Variants in TBC1D32 observed in about 807,000 individuals in gnomAD.
The protein encoded by TBC1D32 is protein broad-minded.
Under a neutral mutation model 170.3 loss-of-function variants are expected in TBC1D32, and 151 were observed. The observed-to-expected ratio is 0.89, with a 90% CI of 0.78 to 1.01. TBC1D32 has a LOEUF of 1.01. Among genes scored for constraint, TBC1D32 ranks in the 50% least tolerant of loss-of-function variants. The probability of loss-of-function intolerance (pLI) is 0.00; values close to 1 mark genes in which losing one functional copy is unlikely to be tolerated. For synonymous variants in TBC1D32, 498 were observed against 488.0 expected (o/e 1.02, Z -0.27); for missense variants, 1,464 against 1,457.1 (o/e 1.00, Z -0.08).
intron 15 of TBC1D32, among the ~76,000 whole-genome samples, chr6:121,277,555 A>C (rs1191355499): frequency 6.6e-6 from 1 of 150,974 alleles, no homozygotes; most frequent in African/African-American, 2.4e-5. Context: ...AAATATTTTG[A>C]ACTAAATGAA....
chr6:121,310,875 T>C (rs1320817356), intron 3 of TBC1D32, 28 bp from the exon 4 acceptor site: 1 of 1,267,880 alleles, frequency 7.9e-7, no homozygotes, highest in African/African-American at 1.5e-5. Flanking sequence ...GGACATTCAT[T>C]TATTTAGAAG....
At chr6:121,306,345 C>T (rs1227042689) in intron 5 of TBC1D32, among the ~76,000 whole-genome samples, 1 of 152,070 alleles carries the variant, frequency 6.6e-6, no homozygotes, top group East Asian at 1.9e-4. Context: ...TATTGCGATA[C>T]CTTAAATTTT....
intron 22 of TBC1D32, among the ~76,000 whole-genome samples, chr6:121,174,483 T>G (rs946946991): frequency 6.6e-6 from 1 of 151,996 alleles, no homozygotes; most frequent in Non-Finnish European, 1.5e-5. Context: ...AAAGAACCAT[T>G]GGGGTATCCA....
At chr6:121,209,901 C>A (rs970576402) in intron 21 of TBC1D32, among the ~76,000 whole-genome samples, 2 of 152,144 alleles carry the variant, frequency 1.3e-5, no homozygotes, top group Non-Finnish European at 2.9e-5. Context: ...TTATATAAAT[C>A]AAAAAATGTC....
intron 30 of TBC1D32, among the ~76,000 whole-genome samples, chr6:121,100,506 C>T (rs1044227685): frequency 5.9e-5 from 9 of 151,558 alleles, no homozygotes; most frequent in Admixed American, 3.3e-4. Flanking sequence ...GAATTGATCC[C>T]TTTCAGAAAT....
At chr6:121,168,574 A>AG (rs1411448491) in intron 22 of TBC1D32, among the ~76,000 whole-genome samples, 1 of 51,808 alleles carries the variant, frequency 1.9e-5, no homozygotes, top group Non-Finnish European at 3.5e-5. Context: ...GGGTCGGGGG[A>AG]GGGGGGAGGG....
intron 15 of TBC1D32, among the ~76,000 whole-genome samples, chr6:121,277,786 A>G (rs1416224433): frequency 6.6e-6 from 1 of 151,834 alleles, no homozygotes; most frequent in African/African-American, 2.4e-5. Context: ...AAAATTAAAA[A>G]CATGAAATCA....
chr6:121,085,478 A>G (rs548610115), intron 31 of TBC1D32, among the ~76,000 whole-genome samples: 1 of 151,238 alleles, frequency 6.6e-6, no homozygotes, highest in Non-Finnish European at 1.5e-5. Flanking sequence ...GTAAAACTAG[A>G]AACTCCTGGA....
intron 31 of TBC1D32, among the ~76,000 whole-genome samples, chr6:121,089,763 A>G (rs1450361743): frequency 1.3e-5 from 2 of 152,158 alleles, no homozygotes; most frequent in African/African-American, 4.8e-5. Flanking sequence ...ATGGAAAATA[A>G]CCCTGGCAGG....
chr6:121,283,763 C>T, intron 13 of TBC1D32, 55 bp downstream of exon 13: 23 of 1,346,324 alleles, frequency 1.7e-5, no homozygotes, highest in Non-Finnish European at 2.4e-5. Context: ...CAATAGAATA[C>T]TTAAATATTT....
intron 22 of TBC1D32, among the ~76,000 whole-genome samples, chr6:121,171,425 A>G (rs1408820457): frequency 2.0e-5 from 3 of 151,878 alleles, no homozygotes; most frequent in African/African-American, 7.2e-5. Context: ...ATGTGGCAGT[A>G]ATACGAGATG....
chr6:121,160,505 T>A (rs1785483270), intron 23 of TBC1D32, among the ~76,000 whole-genome samples: 1 of 152,170 alleles, frequency 6.6e-6, no homozygotes, highest in African/African-American at 2.4e-5. Flanking sequence ...AGCAAGAAGG[T>A]TCTTAACAAC....
intron 22 of TBC1D32, among the ~76,000 whole-genome samples, chr6:121,184,870 C>CT (rs1443029895): frequency 6.6e-6 from 1 of 152,032 alleles, no homozygotes; most frequent in Non-Finnish European, 1.5e-5. Context: ...CAAGCAAGCA[C>CT]TAGGGCAGCT....
chr6:121,263,523 C>G (rs900243813), intron 15 of TBC1D32, among the ~76,000 whole-genome samples: 1 of 152,004 alleles, frequency 6.6e-6, no homozygotes, highest in Non-Finnish European at 1.5e-5. Context: ...CAATATGAGA[C>G]AGTGGGGTAT....
intron 15 of TBC1D32, among the ~76,000 whole-genome samples, chr6:121,273,231 A>G (rs551813710): frequency 3.3e-5 from 5 of 151,846 alleles, no homozygotes; most frequent in Non-Finnish European, 7.4e-5. Flanking sequence ...CACGTTCTGC[A>G]CATGTACCCT....
intron 25 of TBC1D32, among the ~76,000 whole-genome samples, chr6:121,126,818 G>C (rs1780909791): frequency 6.6e-6 from 1 of 151,844 alleles, no homozygotes; most frequent in Non-Finnish European, 1.5e-5. Flanking sequence ...CAAAAAAAAA[G>C]TATTAGTGGG....
intron 22 of TBC1D32, among the ~76,000 whole-genome samples, chr6:121,188,062 G>C (rs549641418): frequency 6.6e-6 from 1 of 152,194 alleles, no homozygotes; most frequent in East Asian, 1.9e-4. Flanking sequence ...TACCAGTTTT[G>C]TCACTTTAAT....
At chr6:121,323,150 T>C (rs1809982567) in intron 1 of TBC1D32, among the ~76,000 whole-genome samples, 1 of 152,182 alleles carries the variant, frequency 6.6e-6, no homozygotes, top group African/African-American at 2.4e-5. Flanking sequence ...CCCTTGCCCA[T>C]CCACTCAATC....
chr6:121,169,080 C>A (rs554662867), intron 22 of TBC1D32, among the ~76,000 whole-genome samples: 1 of 151,928 alleles, frequency 6.6e-6, no homozygotes, highest in African/African-American at 2.4e-5. Flanking sequence ...TTAAAATTCA[C>A]GTGGAACCAA....
Sources: gnomAD v4.1 joint callset for allele counts (sites outside exome capture counted in the v4.1 genomes callset) on GRCh38, gnomAD v4.1.1 for gene constraint, MANE v1.5 for transcripts, NCBI Gene and HGNC (gene_info 2026-07-23, HGNC 2026-07-21) for gene names.